Variants in ROBO2 observed in about 807,000 individuals in gnomAD.
ROBO2 encodes the protein roundabout homolog 2.
ROBO2 carries 53 observed loss-of-function variants against 160.8 expected under a neutral mutation model. That is an observed-to-expected ratio of 0.33 (90% CI 0.26 to 0.41). The LOEUF is 0.41. Among genes scored for constraint, ROBO2 ranks in the 10% least tolerant of loss-of-function variants. The probability of loss-of-function intolerance (pLI) is 1.00; values close to 1 mark genes in which losing one functional copy is unlikely to be tolerated. For missense variants in ROBO2, 1,577 were observed against 1,722.4 expected, an observed-to-expected ratio of 0.92 and a Z score of 1.49; for synonymous variants, 664 against 611.7, an observed-to-expected ratio of 1.09 and a Z score of -1.26.
At chr3:76,976,850 G>C (rs986826288) in intron 2 of ROBO2, among the ~76,000 whole-genome samples, 5 of 152,134 alleles carry the variant, frequency 3.3e-5, no homozygotes, top group Non-Finnish European at 5.9e-5. Flanking sequence ...GAAACTAGGT[G>C]AAAAGTGATT....
intron 5 of ROBO2, among the ~76,000 whole-genome samples, chr3:77,507,566 G>T (rs2088742287): frequency 6.6e-6 from 1 of 152,152 alleles, no homozygotes; most frequent in South Asian, 2.1e-4. Context: ...GATCCCTAAA[G>T]TCCTGTCCTG....
At chr3:77,482,722 A>G (rs777615858) in intron 4 of ROBO2, among the ~76,000 whole-genome samples, 2 of 152,302 alleles carry the variant, frequency 1.3e-5, no homozygotes, top group South Asian at 2.1e-4. Flanking sequence ...TCTGTAATGA[A>G]TAAAACACAG....
intron 2 of ROBO2, among the ~76,000 whole-genome samples, chr3:76,915,725 G>A (rs549383855): frequency 3.8e-4 from 58 of 151,146 alleles, no homozygotes; most frequent in African/African-American, 9.7e-4. Flanking sequence ...TTCAGGAGGC[G>A]GCTCTGTGAC....
chr3:75,986,029 C>T (rs143735043), intron 2 of ROBO2, among the ~76,000 whole-genome samples: 350 of 151,464 alleles, frequency 2.3e-3, no homozygotes, highest in African/African-American at 5.7e-3. Flanking sequence ...TCTTCAAGAC[C>T]TTGCTTTAAA....
intron 2 of ROBO2, among the ~76,000 whole-genome samples, chr3:77,447,738 T>C (rs908056482): frequency 1.3e-5 from 2 of 152,144 alleles, no homozygotes; most frequent in African/African-American, 2.4e-5. Flanking sequence ...CAAATCAACG[T>C]TGACTAATTA....
intron 2 of ROBO2, among the ~76,000 whole-genome samples, chr3:76,668,677 A>G (rs945584718): frequency 1.1e-4 from 17 of 152,072 alleles, no homozygotes; most frequent in Admixed American, 1.1e-3. Context: ...GAACTTTCCC[A>G]CAATTAGGAT....
chr3:77,054,490 T>A (rs536186692), intron 1 of ROBO2, among the ~76,000 whole-genome samples: 1 of 152,154 alleles, frequency 6.6e-6, no homozygotes, highest in South Asian at 2.1e-4. Flanking sequence ...TAGGGAAGCA[T>A]AGACAATGAC....
At chr3:77,022,916 T>C (rs1408080394) in intron 2 of ROBO2, among the ~76,000 whole-genome samples, 1 of 152,214 alleles carries the variant, frequency 6.6e-6, no homozygotes, top group Non-Finnish European at 1.5e-5. Flanking sequence ...CTTCTGAAAC[T>C]GAAACCCTGT....
intron 2 of ROBO2, among the ~76,000 whole-genome samples, chr3:77,240,416 C>T (rs963868403): frequency 1.4e-4 from 21 of 152,216 alleles, no homozygotes; most frequent in African/African-American, 3.1e-4. Flanking sequence ...CCGGAACTCA[C>T]GCTGGCCTGC....
intron 2 of ROBO2, among the ~76,000 whole-genome samples, chr3:75,964,058 A>G (rs1280763643): frequency 6.6e-6 from 1 of 151,768 alleles, no homozygotes; most frequent in Non-Finnish European, 1.5e-5. Flanking sequence ...ACACATGGTA[A>G]GTAACCATTG....
At chr3:75,993,137 A>G (rs992453410) in intron 2 of ROBO2, among the ~76,000 whole-genome samples, 7 of 152,054 alleles carry the variant, frequency 4.6e-5, no homozygotes, top group Non-Finnish European at 1.0e-4. Context: ...GGAAGGCATG[A>G]TGGGTTTTGA....
At chr3:76,572,568 T>G (rs576405672) in intron 2 of ROBO2, among the ~76,000 whole-genome samples, 1 of 152,282 alleles carries the variant, frequency 6.6e-6, no homozygotes, top group African/African-American at 2.4e-5. Context: ...ATCTGATTTC[T>G]AAAAACCTTA....
At chr3:77,574,758 C>CA in intron 14 of ROBO2, 28 bp downstream of exon 15, 1 of 1,573,076 alleles carries the variant, frequency 6.4e-7, no homozygotes, top group Non-Finnish European at 8.7e-7. Context: ...GAATATAAAT[C>CA]AAACATGATG....
intron 2 of ROBO2, among the ~76,000 whole-genome samples, chr3:76,912,696 T>C (rs1483172568): frequency 6.6e-6 from 1 of 152,186 alleles, no homozygotes; most frequent in Non-Finnish European, 1.5e-5. Context: ...AATTTCATAA[T>C]TGTTTCATAA....
intron 2 of ROBO2, among the ~76,000 whole-genome samples, chr3:77,217,616 T>C (rs2085157312): frequency 6.6e-6 from 1 of 152,252 alleles, no homozygotes; most frequent in Admixed American, 6.5e-5. Flanking sequence ...AATGGAATTA[T>C]ATTTGAAGAG....
chr3:77,639,295 C>A (rs1471050845), intron 24 of ROBO2, among the ~76,000 whole-genome samples: 1 of 152,036 alleles, frequency 6.6e-6, no homozygotes, highest in Non-Finnish European at 1.5e-5. Flanking sequence ...GCCAAACAGA[C>A]AAAATCCCCT....
chr3:76,277,966 C>G (rs767843876), intron 2 of ROBO2, among the ~76,000 whole-genome samples: 1 of 150,910 alleles, frequency 6.6e-6, no homozygotes, highest in Non-Finnish European at 1.5e-5. Context: ...CAGTGATTGA[C>G]ACACAGTAGC....
chr3:76,585,851 T>C (rs1017435111), intron 2 of ROBO2, among the ~76,000 whole-genome samples: 1 of 152,206 alleles, frequency 6.6e-6, no homozygotes, highest in African/African-American at 2.4e-5. Flanking sequence ...TACATGCGTA[T>C]ACAGTATGTT....
chr3:76,447,974 G>A (rs538040416), intron 2 of ROBO2, among the ~76,000 whole-genome samples: 149 of 151,352 alleles, frequency 9.8e-4, no homozygotes, highest in African/African-American at 3.1e-3. Flanking sequence ...GCACACCAAC[G>A]TGGCACATGT....
Sources: gnomAD v4.1 joint callset for allele counts (sites outside exome capture counted in the v4.1 genomes callset) on GRCh38, gnomAD v4.1.1 for gene constraint, MANE v1.5 for transcripts, NCBI Gene and HGNC (gene_info 2026-07-23, HGNC 2026-07-21) for gene names.